Variants in FANCB observed in about 807,000 individuals in gnomAD.
The protein encoded by FANCB is FA complementation group B.
In FANCB, 5 loss-of-function variants were observed where a neutral mutation model predicts 38.9. That is an observed-to-expected ratio of 0.13 (90% confidence interval 0.07 to 0.27). The LOEUF (loss-of-function observed/expected upper bound fraction) is 0.27, where lower values mean the gene tolerates loss of function less well. FANCB is among the 10% of genes least tolerant of loss of function. The probability of loss-of-function intolerance (pLI) is 1.00; values close to 1 mark genes in which losing one functional copy is unlikely to be tolerated. For missense variants in FANCB, 573 were observed against 602.7 expected, an observed-to-expected ratio of 0.95 and a Z score of 0.52; for synonymous variants, 236 against 215.4, an observed-to-expected ratio of 1.10 and a Z score of -0.84.
the FANCB span, among the ~76,000 whole-genome samples, chrX:14,808,437 A>G: frequency 8.9e-6 from 1 of 112,296 alleles, no homozygotes; most frequent in Non-Finnish European, 1.9e-5. Flanking sequence ...GTGATACATC[A>G]TATCAACAGA....
chrX:14,835,226 C>T (rs2092338022), downstream of FANCB: 2 of 510,183 alleles, frequency 3.9e-6, no homozygotes, highest in Admixed American at 2.3e-5. Context: ...CATTATCCAC[C>T]TTAAAGTGAT....
the FANCB span, among the ~76,000 whole-genome samples, chrX:14,735,796 G>A: frequency 6.8e-5 from 6 of 88,210 alleles, no homozygotes; most frequent in Non-Finnish European, 1.3e-4. Flanking sequence ...TTCAGAGCTG[G>A]CAGGCAGGAA....
intron 2 of FANCB, among the ~76,000 whole-genome samples, chrX:14,867,619 C>T (rs888083662): frequency 1.1e-4 from 12 of 110,871 alleles, no homozygotes; most frequent in Non-Finnish European, 2.3e-4. Flanking sequence ...GAAATTATTA[C>T]ACTACCAGAA....
downstream of FANCB, among the ~76,000 whole-genome samples, chrX:14,838,984 G>A (rs2092347848): frequency 1.8e-5 from 2 of 111,567 alleles, no homozygotes; most frequent in Admixed American, 9.5e-5. Context: ...ATATGAGAAT[G>A]GCTGTCAGGA....
At chrX:14,754,498 A>G in the FANCB span, among the ~76,000 whole-genome samples, 1 of 111,930 alleles carries the variant, frequency 8.9e-6, no homozygotes, top group African/African-American at 3.3e-5. Flanking sequence ...ATTAACAGTA[A>G]CTCACAGAAA....
chrX:14,812,454 T>C, the FANCB span, among the ~76,000 whole-genome samples: 11 of 110,895 alleles, frequency 9.9e-5, no homozygotes, highest in African/African-American at 3.6e-4. Flanking sequence ...AAGAATCAAA[T>C]AGATGCAATA....
the FANCB span, among the ~76,000 whole-genome samples, chrX:14,812,337 A>T: frequency 9.0e-6 from 1 of 110,647 alleles, no homozygotes; most frequent in Admixed American, 9.6e-5. Flanking sequence ...AAGGAAATAG[A>T]GACACAAAAA....
the FANCB span, among the ~76,000 whole-genome samples, chrX:14,775,158 A>ATTTT: frequency 3.2e-4 from 9 of 28,459 alleles, no homozygotes; most frequent in South Asian, 1.3e-3. Flanking sequence ...TATTTCTCTA[A>ATTTT]TGTTTTTTTT....
chrX:14,852,961 TC>T, intron 6 of FANCB, 77 bp downstream of exon 6: 1 of 946,602 alleles, frequency 1.1e-6, no homozygotes, highest in Non-Finnish European at 1.5e-6. Flanking sequence ...ATTCTAATAT[TC>T]CAATTTAAAT....
At chrX:14,697,848 A>AT in the FANCB span, among the ~76,000 whole-genome samples, 12 of 111,571 alleles carry the variant, frequency 1.1e-4, no homozygotes, top group African/African-American at 3.3e-4. Flanking sequence ...TAATTGAGTG[A>AT]TTTTTTTCAT....
chrX:14,866,144 G>GC (rs2092468980), intron 2 of FANCB, among the ~76,000 whole-genome samples: 1 of 109,918 alleles, frequency 9.1e-6, no homozygotes, highest in African/African-American at 3.4e-5. Context: ...AATAGGAGAT[G>GC]CTGTAACAAG....
At chrX:14,709,567 A>G in the FANCB span, among the ~76,000 whole-genome samples, 4 of 112,418 alleles carry the variant, frequency 3.6e-5, no homozygotes, top group South Asian at 1.1e-3. Flanking sequence ...TTTTCCAGCA[A>G]GAGTTGCGTA....
chrX:14,767,525 TTTCA>T, the FANCB span, among the ~76,000 whole-genome samples: 11 of 110,666 alleles, frequency 9.9e-5, no homozygotes, highest in Non-Finnish European at 1.5e-4. Context: ...TTTGTCCACT[TTTCA>T]TTGTTTTTTT....
the FANCB span, among the ~76,000 whole-genome samples, chrX:14,828,497 C>T: frequency 8.9e-6 from 1 of 111,988 alleles, no homozygotes; most frequent in South Asian, 3.8e-4. Flanking sequence ...TCTCAAGAAA[C>T]TACTTGCTTT....
chrX:14,779,573 A>T, the FANCB span, among the ~76,000 whole-genome samples: 1 of 112,093 alleles, frequency 8.9e-6, no homozygotes, highest in Admixed American at 9.5e-5. Flanking sequence ...ACACAGCAAG[A>T]AGGCCCTCAG....
chrX:14,734,891 G>T, the FANCB span, among the ~76,000 whole-genome samples: 2 of 107,197 alleles, frequency 1.9e-5, no homozygotes, highest in Non-Finnish European at 3.8e-5. Context: ...TTTTCACATA[G>T]TCCCATATTT....
intron 2 of FANCB, among the ~76,000 whole-genome samples, chrX:14,868,369 G>A (rs193280651): frequency 6.3e-5 from 7 of 111,934 alleles, no homozygotes; most frequent in Non-Finnish European, 7.5e-5. Flanking sequence ...GGTGCATAGC[G>A]TGGAATACTA....
intron 6 of FANCB, 109 bp from the exon 7 acceptor site, chrX:14,850,783 A>G: frequency 2.1e-6 from 1 of 468,842 alleles, no homozygotes; most frequent in Non-Finnish European, 3.7e-6. Flanking sequence ...TGGCCCAAAC[A>G]TTTAAAAACA....
the FANCB span, among the ~76,000 whole-genome samples, chrX:14,724,119 CTG>C: frequency 9.0e-6 from 1 of 111,504 alleles, no homozygotes; most frequent in South Asian, 3.7e-4. Flanking sequence ...CCATCATTAT[CTG>C]TGTGTGTCTT....
Sources: allele counts gnomAD v4.1 joint callset (sites outside exome capture counted in the v4.1 genomes callset), GRCh38; gene constraint gnomAD v4.1.1; transcripts MANE v1.5; gene names NCBI Gene and HGNC (gene_info 2026-07-23, HGNC 2026-07-21).